The following SEMA3A variants were observed in gnomAD, a reference collection of about 807,000 sequenced individuals.
The protein encoded by SEMA3A is semaphorin 3A, also known as semaphorin-3A.
In SEMA3A, 29 loss-of-function variants were observed where a neutral mutation model predicts 97.9. That is an observed-to-expected ratio of 0.30 (90% CI 0.22 to 0.40). SEMA3A has a LOEUF of 0.40. SEMA3A is among the 10% of genes least tolerant of loss of function. SEMA3A has a pLI of 1.00. For missense variants in SEMA3A, 763 were observed against 951.3 expected (o/e 0.80, Z 2.60); for synonymous variants, 321 against 323.7 (o/e 0.99, Z 0.09).
intron 3 of SEMA3A, among the ~76,000 whole-genome samples, chr7:84,292,622 A>G (rs1800777619): frequency 6.6e-6 from 1 of 151,970 alleles, no homozygotes; most frequent in African/African-American, 2.4e-5. Context: ...GGAGGTAGAA[A>G]ATGCACAAAT....
At chr7:84,457,939 G>A (rs1805726466) in intron 1 of SEMA3A, among the ~76,000 whole-genome samples, 1 of 151,950 alleles carries the variant, frequency 6.6e-6, no homozygotes. Context: ...TGTATTAACT[G>A]ATGTAAATGA....
intron 6 of SEMA3A, among the ~76,000 whole-genome samples, chr7:84,029,375 G>A (rs1428189531): frequency 6.6e-6 from 1 of 151,980 alleles, no homozygotes; most frequent in Admixed American, 6.6e-5. Context: ...ATAATATCTT[G>A]TTATTTACAA....
In SEMA3A at chr7:84,111,436, T is replaced by TGTACTCAAATACAAA. The variant is rs147177523; in HGVS notation, c.334-848_334-847insTTTGTATTTGAGTAC. 5.3e-3 allele frequency among the ~76,000 whole-genome samples: 811 copies of TGTACTCAAATACAAA among 152,316 alleles called. 6 individuals carry two copies. The highest frequency in any genetic ancestry group is 0.017 in the East Asian group (87 of 5,170). On this transcript the variant is annotated intron_variant, in intron 3 of 16. Transcript: ENST00000265362. The stretch of plus-strand genomic sequence containing the variant: ...AAAATTATTTGAGTACATTTCCAAA[T>TGTACTCAAATACAAA]GACATCTGTATTCTATACTTGCAGC...
intron 1 of SEMA3A, among the ~76,000 whole-genome samples, chr7:84,187,416 A>G (rs560845044): frequency 6.6e-6 from 1 of 152,194 alleles, no homozygotes; most frequent in Non-Finnish European, 1.5e-5. Context: ...AAGGAATGCA[A>G]TAATTCCTCA....
At chr7:84,105,918 A>G (rs1795095077) in intron 4 of SEMA3A, among the ~76,000 whole-genome samples, 1 of 152,174 alleles carries the variant, frequency 6.6e-6, no homozygotes, top group Non-Finnish European at 1.5e-5. Flanking sequence ...TGTATGATGT[A>G]TGTGACCTCA....
At chr7:84,052,024 C>T (rs1268689613) in intron 5 of SEMA3A, among the ~76,000 whole-genome samples, 3 of 151,730 alleles carry the variant, frequency 2.0e-5, no homozygotes, top group African/African-American at 4.8e-5. Context: ...TATTGATTTG[C>T]GTATATTGAA....
At chr7:84,449,219 C>A (rs1330085671) in intron 1 of SEMA3A, among the ~76,000 whole-genome samples, 1 of 152,068 alleles carries the variant, frequency 6.6e-6, no homozygotes, top group African/African-American at 2.4e-5. Flanking sequence ...AGTGTCACAA[C>A]ATTTATTTGT....
At chr7:84,467,779 TC>T (rs1484529644) in intron 1 of SEMA3A, among the ~76,000 whole-genome samples, 1 of 152,152 alleles carries the variant, frequency 6.6e-6, no homozygotes, top group Non-Finnish European at 1.5e-5. Flanking sequence ...CCTTTTTATT[TC>T]CTTTGATAGA....
rs150936517 is a variant in SEMA3A at position 84,129,306 on chromosome 7, T to A, written c.271-121A>T. On this transcript the variant is annotated intron_variant, in intron 2 of 16. Transcript: ENST00000265362. ...TAAAGAAAGTTCCATAAAGACTGTT[T>A]CAGGAAACTTTCACTTTAGACCTTC... The A allele has an allele frequency of 5.6e-4, 452 of 800,354 alleles. 2 individuals carry two copies. The African/African-American group carries it at 7.4e-3, about 13-fold the overall frequency. The allele number at this position is 800,354 out of a possible 1,614,324, so 49.6% of individuals were successfully genotyped here.
At chr7:84,098,100 T>C (rs1175886381) in intron 4 of SEMA3A, among the ~76,000 whole-genome samples, 2 of 152,188 alleles carry the variant, frequency 1.3e-5, no homozygotes, top group Admixed American at 6.5e-5. Context: ...TTATGCTATA[T>C]AAAATTAAGT....
In SEMA3A at chr7:83,957,237, G is replaced by C. The variant is rs571237790; in HGVS notation, c.*4134C>G. ...ATGGGAGGATTAGGAAAGACTTGCT[G>C]GATTAGATGATGATAAGTCATCTCG... On this transcript the variant is annotated 3_prime_UTR_variant, in exon 17 of 17. Coordinates refer to ENST00000265362, the MANE Select transcript of SEMA3A (RefSeq NM_006080.3). The C allele has an allele frequency of 6.6e-6, 1 of 151,806 alleles. No individual in the cohort carries two copies. The highest frequency in any genetic ancestry group is 2.1e-4 in the South Asian group (1 of 4,806). 9.4% of individuals were successfully genotyped at this position (151,806 alleles called of 1,614,324 possible).
intron 1 of SEMA3A, among the ~76,000 whole-genome samples, chr7:84,439,836 T>C (rs113641045): frequency 2.6e-5 from 4 of 152,274 alleles, no homozygotes; most frequent in South Asian, 2.1e-4. Context: ...ACATAATGAA[T>C]TATTAAACCA....
intron 3 of SEMA3A, among the ~76,000 whole-genome samples, chr7:84,299,444 C>G (rs1174672076): frequency 1.3e-5 from 2 of 149,648 alleles, no homozygotes; most frequent in East Asian, 4.0e-4. Flanking sequence ...ATTTGGTAGT[C>G]CAGAGTAAAA....
intron 1 of SEMA3A, among the ~76,000 whole-genome samples, chr7:84,188,781 T>C (rs1465765249): frequency 2.0e-5 from 3 of 151,974 alleles, no homozygotes; most frequent in Non-Finnish European, 4.4e-5. Context: ...AATGTATGTA[T>C]TTGCTTTTTA....
At chr7:84,303,702 T>C (rs1801082945) in intron 3 of SEMA3A, among the ~76,000 whole-genome samples, 1 of 152,292 alleles carries the variant, frequency 6.6e-6, no homozygotes, top group Non-Finnish European at 1.5e-5. Context: ...ATTCTGTTTG[T>C]CATTTTCAGT....
intron 1 of SEMA3A, among the ~76,000 whole-genome samples, chr7:84,412,855 C>T (rs1398140193): frequency 1.3e-5 from 2 of 152,036 alleles, no homozygotes; most frequent in African/African-American, 2.4e-5. Flanking sequence ...AGGAATGACT[C>T]AAGTTTACAA....
At chr7:84,462,091 G>A (rs768328286) in intron 1 of SEMA3A, among the ~76,000 whole-genome samples, 11 of 151,740 alleles carry the variant, frequency 7.2e-5, no homozygotes, top group Non-Finnish European at 1.0e-4. Flanking sequence ...CTCTCTCTTC[G>A]TGAATATATA....
chr7:84,277,290 A>G (rs888084351), intron 3 of SEMA3A, among the ~76,000 whole-genome samples: 1 of 152,050 alleles, frequency 6.6e-6, no homozygotes, highest in Non-Finnish European at 1.5e-5. Flanking sequence ...GTATGAAATC[A>G]TGGTTTAATA....
intron 6 of SEMA3A, among the ~76,000 whole-genome samples, chr7:84,038,130 T>C (rs963193190): frequency 1.3e-5 from 2 of 152,164 alleles, no homozygotes; most frequent in African/African-American, 4.8e-5. Context: ...TTTTTCTTTT[T>C]ATGGAAGCAG....
Sources: gnomAD v4.1 joint callset for allele counts (sites outside exome capture counted in the v4.1 genomes callset) on GRCh38, gnomAD v4.1.1 for gene constraint, MANE v1.5 for transcripts, NCBI Gene and HGNC (gene_info 2026-07-23, HGNC 2026-07-21) for gene names.